Variants in BCL11A observed in about 807,000 individuals in gnomAD.
The protein encoded by BCL11A is B cell CLL/lymphoma 11A.
A neutral mutation model predicts 55.9 loss-of-function variants in BCL11A; 2 were observed. The ratio of observed to expected loss-of-function variants is 0.04; its 90% CI spans 0.01 to 0.11. BCL11A has a LOEUF of 0.11. Ranked by LOEUF, BCL11A falls within the 10% of genes least tolerant of loss-of-function variation. BCL11A has a pLI of 1.00. For synonymous variants in BCL11A, 465 were observed against 473.4 expected, an observed-to-expected ratio of 0.98 and a Z score of 0.23; for missense variants, 817 against 1,137.1, an observed-to-expected ratio of 0.72 and a Z score of 4.05.
Position 60,461,961 on chromosome 2 carries a change from C to T in BCL11A, c.951G>A (p.Arg317=), listed in dbSNP as rs1432046181. 1.2e-6 allele frequency: 2 copies of T among 1,613,890 alleles called. No individual in the cohort carries two copies. The highest frequency in any genetic ancestry group is 1.7e-5 in the Admixed American group (1 of 60,008). ...AMEPPAMDFS[R]RLRELAGNTS... ...TGTTCCCTGCCAGCTCTCTAAGTCT[C>T]CTAGAGAAATCCATGGCGGGAGGCT... The change falls in exon 4 of 4, where the codon AGG becomes AGA. Residue 317 remains arginine (R), a synonymous_variant. Coordinates refer to ENST00000642384, the MANE Select transcript of BCL11A (RefSeq NM_022893.4).
At chr2:60,526,181 T>C (rs996042134) in intron 2 of BCL11A, 4 of 152,202 alleles carry the variant, frequency 2.6e-5, no homozygotes, top group Non-Finnish European at 5.9e-5. Flanking sequence ...ATTCAGAAAC[T>C]GGTGATTTGA....
chr2:60,534,732 C>T (rs1669597278), intron 2 of BCL11A: 2 of 152,222 alleles, frequency 1.3e-5, no homozygotes, highest in South Asian at 4.1e-4. Context: ...GAAGATGCAT[C>T]ATTTTGCTCC....
chr2:60,512,365 T>G (rs1680033248), intron 2 of BCL11A, among the ~76,000 whole-genome samples: 1 of 152,204 alleles, frequency 6.6e-6, no homozygotes, highest in South Asian at 2.1e-4. Context: ...TCACCTCCCT[T>G]GGCCTGTGTC....
intron 2 of BCL11A, among the ~76,000 whole-genome samples, chr2:60,540,962 GT>G: frequency 6.6e-6 from 1 of 150,968 alleles, no homozygotes; most frequent in South Asian, 2.1e-4. Flanking sequence ...GTGTGTGTGT[GT>G]GTGTGTGTGT....
At chr2:60,488,736 TTTTGTTTGTTTGTTTG>T (rs45517431) in intron 2 of BCL11A, among the ~76,000 whole-genome samples, 1 of 151,784 alleles carries the variant, frequency 6.6e-6, no homozygotes, top group Non-Finnish European at 1.5e-5. Flanking sequence ...CCCAAAACGA[TTTTGTTTGTTTGTTTG>T]TTTGTTTGTT....
intron 2 of BCL11A, among the ~76,000 whole-genome samples, chr2:60,504,054 G>A (rs556541847): frequency 6.6e-6 from 1 of 152,202 alleles, no homozygotes; most frequent in Non-Finnish European, 1.5e-5. Flanking sequence ...GGCTTCGAGC[G>A]GCACATTCTG....
chr2:60,509,358 G>A (rs957070442), intron 2 of BCL11A, among the ~76,000 whole-genome samples: 5 of 152,188 alleles, frequency 3.3e-5, no homozygotes, highest in Admixed American at 6.5e-5. Flanking sequence ...AGAGGACAAC[G>A]GATTTCCGGA....
At chr2:60,549,984 T>C (rs1670327905) in intron 1 of BCL11A, 1 of 152,172 alleles carries the variant, frequency 6.6e-6, no homozygotes, top group Non-Finnish European at 1.5e-5. Flanking sequence ...ACTATTACTA[T>C]TGTTGTGATT....
At chr2:60,498,971 T>C (rs1218016270) in intron 2 of BCL11A, among the ~76,000 whole-genome samples, 3 of 152,110 alleles carry the variant, frequency 2.0e-5, no homozygotes, top group Non-Finnish European at 4.4e-5. Context: ...TGGGGGGGCA[T>C]TGATGAGAGG....
At chr2:60,505,063 T>A (rs1160247263) in intron 2 of BCL11A, among the ~76,000 whole-genome samples, 1 of 152,082 alleles carries the variant, frequency 6.6e-6, no homozygotes, top group Non-Finnish European at 1.5e-5. Flanking sequence ...TCTCTAAGCT[T>A]CAACTACCCT....
At chr2:60,499,993 C>A (rs1482376167) in intron 2 of BCL11A, 3 of 152,660 alleles carry the variant, frequency 2.0e-5, no homozygotes, top group Non-Finnish European at 4.4e-5. Context: ...GCACTCACCC[C>A]ACTGCCAGGC....
chr2:60,454,371 A>T (rs1675851981), downstream of BCL11A, among the ~76,000 whole-genome samples: 1 of 152,226 alleles, frequency 6.6e-6, no homozygotes, highest in Non-Finnish European at 1.5e-5. Flanking sequence ...GCAGTCTTTT[A>T]AGAAACATTT....
chr2:60,550,780 C>G (rs1670378120), intron 1 of BCL11A: 1 of 398,930 alleles, frequency 2.5e-6, no homozygotes, highest in Middle Eastern at 6.3e-4. Flanking sequence ...GCGCCCCGGT[C>G]TGTCCTTTGA....
intron 2 of BCL11A, among the ~76,000 whole-genome samples, chr2:60,517,376 C>T (rs748441738): frequency 6.6e-6 from 1 of 152,106 alleles, no homozygotes; most frequent in African/African-American, 2.4e-5. Flanking sequence ...GAAGACCAGC[C>T]CCGAAAAAGG....
rs769295995 is a variant in BCL11A at position 60,462,366 on chromosome 2, T to C, written c.546A>G (p.Ala182=). 9.9e-6 allele frequency: 16 copies of C among 1,613,630 alleles called. No homozygotes were observed. The highest frequency in any genetic ancestry group is 1.4e-5 in the Non-Finnish European group (16 of 1,179,740). The part of the protein sequence containing the change: ...CTTCKQPFTS[A]WFLLQHAQNT... Reference sequence around the variant, plus strand: ...TCTGTGCGTGTTGCAAGAGAAACCATGCACTGGTGAATGGCTGTTTGCAAG... The same window carrying C: ...TCTGTGCGTGTTGCAAGAGAAACCACGCACTGGTGAATGGCTGTTTGCAAG... The change falls in exon 4 of 4, where the codon GCA becomes GCG. Residue 182 remains alanine, a synonymous_variant. Transcript: ENST00000642384.
At chr2:60,452,690 G>C (rs376248698), downstream of BCL11A, 2 of 1,572,512 alleles carry the variant, frequency 1.3e-6, no homozygotes, top group South Asian at 1.1e-5. Context: ...GGAGACAGAG[G>C]AGGGGGAAAA....
At chr2:60,540,891 C>T (rs1669889770) in intron 2 of BCL11A, among the ~76,000 whole-genome samples, 2 of 151,318 alleles carry the variant, frequency 1.3e-5, no homozygotes, top group African/African-American at 4.9e-5. Context: ...ATAGTAAAGG[C>T]ACAACTTGCA....
At chr2:60,545,813 A>T (rs1670122908) in intron 2 of BCL11A, 158 bp downstream of exon 2, 1 of 668,624 alleles carries the variant, frequency 1.5e-6, no homozygotes, top group Non-Finnish European at 2.6e-6. Context: ...TTCTGGACGT[A>T]AGCAACAGAA....
intron 2 of BCL11A, among the ~76,000 whole-genome samples, chr2:60,503,478 A>G (rs530862282): frequency 6.6e-6 from 1 of 152,290 alleles, no homozygotes; most frequent in East Asian, 1.9e-4. Context: ...CCTCTCCTCC[A>G]CCTATTCACA....
Sources: allele counts gnomAD v4.1 joint callset (sites outside exome capture counted in the v4.1 genomes callset), GRCh38; gene constraint gnomAD v4.1.1; transcripts MANE v1.5; gene names NCBI Gene and HGNC (gene_info 2026-07-23, HGNC 2026-07-21).